Variants in TCF4 observed in about 807,000 individuals in gnomAD.
The protein encoded by TCF4 is transcription factor 4.
Under a neutral mutation model 82.1 loss-of-function variants are expected in TCF4, and 3 were observed. The observed-to-expected ratio is 0.04, with a 90% CI of 0.02 to 0.09. TCF4 has a LOEUF of 0.09. TCF4 is among the 10% of genes least tolerant of loss of function. The pLI is 1.00. For synonymous variants in TCF4, 276 were observed against 309.6 expected (o/e 0.89, Z 1.14); for missense variants, 518 against 852.7 (o/e 0.61, Z 4.89).
chr18:55,550,156 G>T (rs544788106), intron 3 of TCF4: 4 of 152,122 alleles, frequency 2.6e-5, no homozygotes, highest in Admixed American at 6.5e-5. Flanking sequence ...CACATCAAGA[G>T]ACTCACTCCT....
At chr18:55,365,162 T>G (rs1200104935) in intron 6 of TCF4, among the ~76,000 whole-genome samples, 1 of 51,362 alleles carries the variant, frequency 1.9e-5, no homozygotes, top group Non-Finnish European at 3.2e-5. Flanking sequence ...CCAAAATATA[T>G]ATATATATAT....
intron 3 of TCF4, among the ~76,000 whole-genome samples, chr18:55,499,703 T>A (rs1449862474): frequency 6.6e-6 from 1 of 152,298 alleles, no homozygotes; most frequent in East Asian, 1.9e-4. Flanking sequence ...CAGATGGCCA[T>A]ATATCCTGTA....
At chr18:55,349,120 T>G (rs1316504868) in intron 8 of TCF4, among the ~76,000 whole-genome samples, 1 of 152,300 alleles carries the variant, frequency 6.6e-6, no homozygotes, top group East Asian at 1.9e-4. Flanking sequence ...TTATTGCTAG[T>G]TGAAAGTGAC....
intron 3 of TCF4, among the ~76,000 whole-genome samples, chr18:55,486,151 C>T (rs2096511362): frequency 6.6e-6 from 1 of 152,032 alleles, no homozygotes. Flanking sequence ...GTTGAAGAGA[C>T]AAAAAGTATA....
At position 55,224,527 on chromosome 18, in the gene TCF4, CAG is replaced by C. The variant is rs2046339429; in HGVS notation, c.*3506_*3507del. On this transcript the variant is annotated 3_prime_UTR_variant, in exon 20 of 20. Transcript: ENST00000354452. The stretch of plus-strand genomic sequence containing the variant: ...CCTGACTCAAGTTCACTTTTGGACA[CAG>C]ATCATATTCTGCCTGTTGGATGCAA... 1 of 152,466 alleles carries C rather than the reference CAG, an allele frequency of 6.6e-6. No individual in the cohort carries two copies. Among genetic ancestry groups the C allele is most frequent in the African/African-American group, 2.4e-5 (1 of 41,380 alleles). The allele number at this position is 152,466 out of a possible 1,614,324, so 9.4% of individuals were successfully genotyped here.
chr18:55,631,099 C>T, intron 2 of TCF4, among the ~76,000 whole-genome samples: 1 of 148,338 alleles, frequency 6.7e-6, no homozygotes. Context: ...ACCCAGGTTG[C>T]AGTGCAGTGG....
intron 5 of TCF4, among the ~76,000 whole-genome samples, chr18:55,449,326 C>A (rs2095581366): frequency 6.6e-6 from 1 of 151,904 alleles, no homozygotes; most frequent in Non-Finnish European, 1.5e-5. Flanking sequence ...ATTTGTAAGA[C>A]CATCAATAAA....
chr18:55,241,515 G>C (rs1352643378), intron 15 of TCF4, among the ~76,000 whole-genome samples: 1 of 152,216 alleles, frequency 6.6e-6, no homozygotes, highest in Non-Finnish European at 1.5e-5. Flanking sequence ...TAAAGGAAAA[G>C]ACAACTGGAC....
chr18:55,403,562 TA>T (rs551539799), intron 5 of TCF4, 44 bp from the exon 6 acceptor site: 44 of 1,606,570 alleles, frequency 2.7e-5, no homozygotes, highest in African/African-American at 1.6e-4. Flanking sequence ...TGTTTTTCCT[TA>T]AAAAAAAATC....
At chr18:55,237,072 A>C (rs957523755) in intron 15 of TCF4, among the ~76,000 whole-genome samples, 1 of 152,220 alleles carries the variant, frequency 6.6e-6, no homozygotes, top group Non-Finnish European at 1.5e-5. Flanking sequence ...TCAAAAGAGA[A>C]AAAGAGAACC....
At chr18:55,525,799 G>A (rs1280924171) in intron 3 of TCF4, among the ~76,000 whole-genome samples, 1 of 15,476 alleles carries the variant, frequency 6.5e-5, no homozygotes, top group Non-Finnish European at 1.2e-4. Context: ...TGCCCTCGGC[G>A]GAACCTAGGT....
chr18:55,292,618 GTAGA>G (rs2065342475), intron 8 of TCF4, among the ~76,000 whole-genome samples: 1 of 152,128 alleles, frequency 6.6e-6, no homozygotes, highest in Non-Finnish European at 1.5e-5. Context: ...ATTCATTAAA[GTAGA>G]TAGTTCTTTG....
At chr18:55,536,395 G>A (rs1326053543) in intron 3 of TCF4, among the ~76,000 whole-genome samples, 4 of 152,126 alleles carry the variant, frequency 2.6e-5, no homozygotes, top group Admixed American at 2.0e-4. Context: ...TTCAGCTTCA[G>A]ACCATGAAAC....
At chr18:55,412,122 C>G (rs942543962) in intron 5 of TCF4, among the ~76,000 whole-genome samples, 1 of 152,070 alleles carries the variant, frequency 6.6e-6, no homozygotes, top group Non-Finnish European at 1.5e-5. Context: ...GTGATAGGCA[C>G]AGCTCTATAG....
chr18:55,554,779 C>T (rs1250220949), intron 3 of TCF4, among the ~76,000 whole-genome samples: 3 of 152,176 alleles, frequency 2.0e-5, no homozygotes, highest in Non-Finnish European at 4.4e-5. Context: ...AACAGATCTT[C>T]ATATGCATTT....
intron 8 of TCF4, among the ~76,000 whole-genome samples, chr18:55,280,299 C>CT (rs2146284985): frequency 6.6e-6 from 1 of 152,262 alleles, no homozygotes; most frequent in African/African-American, 2.4e-5. Context: ...GGGAGCCCTC[C>CT]TTTTTCATGC....
intron 1 of TCF4, among the ~76,000 whole-genome samples, chr18:55,632,394 CCTAA>C (rs776870041): frequency 1.1e-4 from 16 of 152,166 alleles, no homozygotes; most frequent in Non-Finnish European, 1.8e-4. Flanking sequence ...CTGACTGGAC[CCTAA>C]CTGTTATACA....
chr18:55,403,966 T>C, intron 5 of TCF4: 1 of 1,291,200 alleles, frequency 7.7e-7, no homozygotes, highest in Non-Finnish European at 9.8e-7. Flanking sequence ...ATGGTGAATT[T>C]AGCAAAGAAA....
chr18:55,579,128 A>C (rs1388821648), intron 3 of TCF4, among the ~76,000 whole-genome samples: 1 of 150,988 alleles, frequency 6.6e-6, no homozygotes, highest in African/African-American at 2.4e-5. Context: ...CAAAGTGTTA[A>C]TCTTCTCCAA....
Sources: allele counts gnomAD v4.1 joint callset (sites outside exome capture counted in the v4.1 genomes callset), GRCh38; gene constraint gnomAD v4.1.1; transcripts MANE v1.5; gene names NCBI Gene and HGNC (gene_info 2026-07-23, HGNC 2026-07-21).